CCDC171: variants seen among roughly 807,000 people sequenced by gnomAD.
CCDC171 encodes the protein coiled-coil domain-containing protein 171.
CCDC171 carries 177 observed loss-of-function variants against 168.2 expected under a neutral mutation model. The ratio of observed to expected loss-of-function variants is 1.05; its 90% CI spans 0.93 to 1.19. The LOEUF (loss-of-function observed/expected upper bound fraction) is 1.19, where lower values mean the gene tolerates loss of function less well. Ranked by LOEUF, CCDC171 falls within the 50% of genes most tolerant of loss-of-function variation. CCDC171 has a pLI of 0.00. For synonymous variants in CCDC171, 687 were observed against 540.8 expected, an observed-to-expected ratio of 1.27 and a Z score of -3.75; for missense variants, 1,991 against 1,539.0, an observed-to-expected ratio of 1.29 and a Z score of -4.91.
chr9:15,740,933 T>G (rs1356457683), intron 16 of CCDC171, among the ~76,000 whole-genome samples: 1 of 152,208 alleles, frequency 6.6e-6, no homozygotes, highest in Non-Finnish European at 1.5e-5. Flanking sequence ...CTGTTGAAGT[T>G]TGAAGTATTA....
intron 18 of CCDC171, among the ~76,000 whole-genome samples, chr9:15,762,338 C>T (rs1588354946): frequency 6.6e-6 from 1 of 151,800 alleles, no homozygotes; most frequent in Non-Finnish European, 1.5e-5. Flanking sequence ...AATATGGCAG[C>T]TTATAGGTAT....
At chr9:15,692,873 AC>A (rs1391092427) in intron 10 of CCDC171, among the ~76,000 whole-genome samples, 1 of 145,694 alleles carries the variant, frequency 6.9e-6, no homozygotes, top group Non-Finnish European at 1.5e-5. Context: ...ATGGTGGCTC[AC>A]CCCTGTAATC....
At chr9:15,614,347 T>C (rs1401363947) in intron 6 of CCDC171, among the ~76,000 whole-genome samples, 2 of 152,144 alleles carry the variant, frequency 1.3e-5, no homozygotes, top group Non-Finnish European at 1.5e-5. Flanking sequence ...GCTACTACTA[T>C]TCTGAGGCAA....
chr9:15,984,760 A>G (rs890152824), intron 3 of CCDC171, among the ~76,000 whole-genome samples: 1 of 152,130 alleles, frequency 6.6e-6, no homozygotes, highest in Non-Finnish European at 1.5e-5. Flanking sequence ...TCTGCTCTAT[A>G]AATTTTCCAG....
intron 18 of CCDC171, among the ~76,000 whole-genome samples, chr9:15,754,632 C>T (rs187152025): frequency 1.4e-3 from 220 of 152,208 alleles, no homozygotes; most frequent in Non-Finnish European, 2.5e-3. Flanking sequence ...TAGGGTTAAG[C>T]AGGAATTCTG....
chr9:15,828,775 C>G (rs2060117077), intron 21 of CCDC171, among the ~76,000 whole-genome samples: 1 of 152,122 alleles, frequency 6.6e-6, no homozygotes, highest in Non-Finnish European at 1.5e-5. Flanking sequence ...AGAATGAAAA[C>G]TGTTTTTTCA....
intron 24 of CCDC171, among the ~76,000 whole-genome samples, chr9:15,916,169 G>C (rs1356423893): frequency 1.3e-5 from 2 of 151,606 alleles, no homozygotes; most frequent in African/African-American, 4.8e-5. Context: ...ACACCTCTCA[G>C]AAATATTGAA....
intron 3 of CCDC171, among the ~76,000 whole-genome samples, chr9:16,007,423 G>A (rs1240566305): frequency 6.6e-6 from 1 of 152,118 alleles, no homozygotes; most frequent in Non-Finnish European, 1.5e-5. Context: ...CTGTGCAGAA[G>A]CTCTTTAGTT....
chr9:16,058,656 C>G (rs565894578), intron 1 of CCDC171, among the ~76,000 whole-genome samples: 1 of 152,296 alleles, frequency 6.6e-6, no homozygotes, highest in African/African-American at 2.4e-5. Context: ...GCAAAGATAC[C>G]AATTCCCCGC....
At chr9:16,084,235 C>A in the CCDC171 span, among the ~76,000 whole-genome samples, 1 of 152,098 alleles carries the variant, frequency 6.6e-6, no homozygotes, top group South Asian at 2.1e-4. Flanking sequence ...AGGAGTACCC[C>A]CTTGGTGGCT....
At chr9:15,581,868 TG>T (rs1161785308) in intron 4 of CCDC171, among the ~76,000 whole-genome samples, 1 of 152,080 alleles carries the variant, frequency 6.6e-6, no homozygotes, top group East Asian at 1.9e-4. Flanking sequence ...GACATAGGCA[TG>T]GGCAAGGACT....
At chr9:15,892,411 AG>A (rs1385218709) in intron 24 of CCDC171, among the ~76,000 whole-genome samples, 6 of 152,106 alleles carry the variant, frequency 3.9e-5, no homozygotes, top group African/African-American at 1.4e-4. Context: ...TTTAACATGC[AG>A]GGATGTTGAA....
chr9:16,089,410 T>G, the CCDC171 span, among the ~76,000 whole-genome samples: 1 of 152,224 alleles, frequency 6.6e-6, no homozygotes, highest in East Asian at 2.0e-4. Flanking sequence ...TTTTGGCTTT[T>G]GTTGCCATTG....
chr9:15,744,400 C>A lies in CCDC171; in HGVS notation c.2177C>A (p.Ser726Tyr), dbSNP rs765430714. The change falls in exon 17 of 26, where the codon TCC becomes TAC. Residue 726 changes from serine (S) to tyrosine (Y), a missense_variant. Transcript: ENST00000380701. Reference sequence around the variant, plus strand: ...TCACAGACTCAAAGGGAACAGATGTCCTTGCTGGCAGCCTGTGCATTAATG... The same window carrying A: ...TCACAGACTCAAAGGGAACAGATGTACTTGCTGGCAGCCTGTGCATTAATG... ...LLSQTQREQM[S>Y]LLAACALMAG... is the part of the protein sequence containing the mutation. 1.1e-5 allele frequency: 17 copies of A among 1,614,048 alleles called. No individual in the cohort carries two copies. Among genetic ancestry groups the A allele is most frequent in the Non-Finnish European group, 1.4e-5 (16 of 1,180,014 alleles).
chr9:16,034,423 A>G (rs1833426344), intron 6 of CCDC171, among the ~76,000 whole-genome samples: 1 of 152,182 alleles, frequency 6.6e-6, no homozygotes, highest in Admixed American at 6.5e-5. Context: ...AACGGGTGGT[A>G]AACTGCCCTT....
intron 7 of CCDC171, among the ~76,000 whole-genome samples, chr9:15,625,588 T>G (rs200959660): frequency 1.3e-5 from 2 of 152,134 alleles, no homozygotes; most frequent in Non-Finnish European, 1.5e-5. Context: ...TTTCCCCATT[T>G]CTTGTTTTTG....
At chr9:15,646,986 AC>A (rs565571324) in intron 7 of CCDC171, among the ~76,000 whole-genome samples, 193 of 152,348 alleles carry the variant, frequency 1.3e-3, no homozygotes, top group African/African-American at 4.5e-3. Context: ...TCCAAAATTG[AC>A]CACATAGTTG....
In CCDC171 at chr9:15,629,317, C is replaced by T. The variant is rs973045436; in HGVS notation, c.822+5904C>T. On this transcript the variant is annotated intron_variant, in intron 7 of 25. Coordinates refer to ENST00000380701, the MANE Select transcript of CCDC171 (RefSeq NM_173550.4). ...AGACGAATGTATAGAATAACCAATA[C>T]AGAGAAGTGCTTAAAGGAGGTGATG... 3.9e-5 allele frequency among the ~76,000 whole-genome samples: 6 copies of T among 152,192 alleles called. No individual in the cohort carries two copies. The South Asian group carries it at 8.3e-4, about 21-fold the overall frequency.
downstream of CCDC171, among the ~76,000 whole-genome samples, chr9:16,065,769 T>C (rs1723215511): frequency 6.6e-6 from 1 of 151,886 alleles, no homozygotes; most frequent in Non-Finnish European, 1.5e-5. Flanking sequence ...TCAGTTTTCC[T>C]ATCTGTGAAA....
Sources: gnomAD v4.1 joint callset for allele counts (sites outside exome capture counted in the v4.1 genomes callset) on GRCh38, gnomAD v4.1.1 for gene constraint, MANE v1.5 for transcripts, NCBI Gene and HGNC (gene_info 2026-07-23, HGNC 2026-07-21) for gene names.